The following ATP8B4 variants were observed in gnomAD, a reference collection of about 807,000 sequenced individuals.
The protein encoded by ATP8B4 is ATPase phospholipid transporting 8B4 (putative).
Under a neutral mutation model 145.6 loss-of-function variants are expected in ATP8B4, and 133 were observed. The ratio of observed to expected loss-of-function variants is 0.91; its 90% CI spans 0.79 to 1.05. The LOEUF (loss-of-function observed/expected upper bound fraction) is 1.05. Ranked by LOEUF, ATP8B4 falls within the 50% of genes least tolerant of loss-of-function variation. The probability of loss-of-function intolerance (pLI) is 0.00; values close to 1 mark genes in which losing one functional copy is unlikely to be tolerated. For missense variants in ATP8B4, 1,458 were observed against 1,425.2 expected, an observed-to-expected ratio of 1.02 and a Z score of -0.37; for synonymous variants, 507 against 492.9, an observed-to-expected ratio of 1.03 and a Z score of -0.38.
intron 20 of ATP8B4, chr15:49,901,928 G>T (rs1458357444): frequency 3.0e-6 from 1 of 338,404 alleles, no homozygotes; most frequent in Admixed American, 4.3e-5. Flanking sequence ...CCCTCCAAAT[G>T]CTCTAGATCT....
At chr15:50,082,827 C>T (rs1418175425) in intron 2 of ATP8B4, among the ~76,000 whole-genome samples, 1 of 152,174 alleles carries the variant, frequency 6.6e-6, no homozygotes, top group Non-Finnish European at 1.5e-5. Flanking sequence ...TTTTATTAAT[C>T]CTCAGAACAA....
chr15:50,176,170 A>G (rs1441248695), intron 1 of ATP8B4, among the ~76,000 whole-genome samples: 1 of 152,030 alleles, frequency 6.6e-6, no homozygotes, highest in Non-Finnish European at 1.5e-5. Flanking sequence ...ATACACACAC[A>G]ATGGAATACT....
At chr15:49,941,219 T>C (rs2042140738) in intron 14 of ATP8B4, among the ~76,000 whole-genome samples, 1 of 152,120 alleles carries the variant, frequency 6.6e-6, no homozygotes. Flanking sequence ...GGAAGGAACA[T>C]AACCTTTATT....
intron 1 of ATP8B4, among the ~76,000 whole-genome samples, chr15:50,129,426 T>C (rs1332571826): frequency 6.6e-6 from 1 of 152,198 alleles, no homozygotes; most frequent in African/African-American, 2.4e-5. Flanking sequence ...TGACAATCTT[T>C]GGCATTCTTT....
chr15:49,947,160 C>T (rs12904835), intron 14 of ATP8B4, among the ~76,000 whole-genome samples: 33,442 of 152,050 alleles, frequency 0.22, 4,857 homozygotes, highest in Non-Finnish European at 0.31. Context: ...AGGCCGGGTG[C>T]GGTGGCTCAT....
intron 12 of ATP8B4, among the ~76,000 whole-genome samples, chr15:49,974,708 A>G (rs922972628): frequency 6.6e-6 from 1 of 152,074 alleles, no homozygotes; most frequent in African/African-American, 2.4e-5. Flanking sequence ...TCCTTATTTA[A>G]TTCCTTATCC....
intron 20 of ATP8B4, among the ~76,000 whole-genome samples, chr15:49,916,265 T>G (rs1295828863): frequency 3.9e-5 from 6 of 152,156 alleles, no homozygotes; most frequent in Non-Finnish European, 2.9e-5. Context: ...ATATTATCTC[T>G]CAAACTTTAA....
chr15:50,022,454 T>C (rs2049655906), intron 6 of ATP8B4, among the ~76,000 whole-genome samples: 1 of 152,208 alleles, frequency 6.6e-6, no homozygotes, highest in African/African-American at 2.4e-5. Flanking sequence ...ACATGGGAGA[T>C]ACTCACTATC....
intron 23 of ATP8B4, chr15:49,885,692 C>T (rs573583688): frequency 1.3e-5 from 2 of 152,124 alleles, no homozygotes; most frequent in African/African-American, 2.4e-5. Context: ...TAACCAGACG[C>T]CCCTCCTGGG....
At chr15:50,150,650 G>A (rs2044336169) in intron 1 of ATP8B4, among the ~76,000 whole-genome samples, 1 of 152,182 alleles carries the variant, frequency 6.6e-6, no homozygotes, top group African/African-American at 2.4e-5. Flanking sequence ...CCATTATTAA[G>A]TTTAATTTTG....
intron 15 of ATP8B4, among the ~76,000 whole-genome samples, chr15:49,933,546 T>G (rs2041457008): frequency 6.6e-6 from 1 of 152,070 alleles, no homozygotes; most frequent in Non-Finnish European, 1.5e-5. Flanking sequence ...TATTCTAATA[T>G]CAAGGTCAAT....
intron 9 of ATP8B4, among the ~76,000 whole-genome samples, chr15:49,989,894 C>T (rs1420614187): frequency 1.3e-5 from 2 of 152,102 alleles, no homozygotes; most frequent in South Asian, 2.1e-4. Flanking sequence ...CTGTATTCAC[C>T]TCTGTATTCC....
intron 14 of ATP8B4, among the ~76,000 whole-genome samples, chr15:49,939,106 A>G (rs2041958231): frequency 6.6e-6 from 1 of 152,096 alleles, no homozygotes; most frequent in African/African-American, 2.4e-5. Context: ...AAAAGCAGTA[A>G]TAAGGGGAAA....
intron 3 of ATP8B4, among the ~76,000 whole-genome samples, chr15:50,063,949 G>A (rs951687105): frequency 6.6e-6 from 1 of 152,126 alleles, no homozygotes; most frequent in Non-Finnish European, 1.5e-5. Flanking sequence ...TCAATTGATG[G>A]AAAAATTACC....
chr15:50,082,756 C>T (rs952957432), intron 2 of ATP8B4, among the ~76,000 whole-genome samples: 10 of 152,148 alleles, frequency 6.6e-5, no homozygotes, highest in African/African-American at 1.9e-4. Context: ...ATAGTAATAG[C>T]TAACATTAAT....
intron 24 of ATP8B4, among the ~76,000 whole-genome samples, chr15:49,878,117 C>G (rs142576877): frequency 2.0e-5 from 3 of 152,124 alleles, no homozygotes; most frequent in Non-Finnish European, 4.4e-5. Context: ...TAATAGGAAG[C>G]CTTATTATAT....
intron 14 of ATP8B4, among the ~76,000 whole-genome samples, chr15:49,955,892 A>C (rs2043517041): frequency 6.6e-6 from 1 of 152,228 alleles, no homozygotes; most frequent in Admixed American, 6.5e-5. Context: ...ATTTGCTGTG[A>C]AATTAGTATA....
chr15:50,125,114 A>G (rs2057298719), intron 1 of ATP8B4, among the ~76,000 whole-genome samples: 1 of 152,212 alleles, frequency 6.6e-6, no homozygotes, highest in South Asian at 2.1e-4. Context: ...TTATAGACTG[A>G]CATCATAAGA....
intron 13 of ATP8B4, among the ~76,000 whole-genome samples, chr15:49,963,919 A>AG (rs2044308468): frequency 6.6e-6 from 1 of 152,142 alleles, no homozygotes; most frequent in South Asian, 2.1e-4. Flanking sequence ...AAAAAAAAAA[A>AG]GTTACTTGAA....
Sources: gnomAD v4.1 joint callset for allele counts (sites outside exome capture counted in the v4.1 genomes callset) on GRCh38, gnomAD v4.1.1 for gene constraint, MANE v1.5 for transcripts, NCBI Gene and HGNC (gene_info 2026-07-23, HGNC 2026-07-21) for gene names.